The following MAP1A variants were observed in gnomAD, a reference collection of about 807,000 sequenced individuals.
MAP1A encodes the protein microtubule-associated protein 1A.
Under a neutral mutation model 185.9 loss-of-function variants are expected in MAP1A, and 42 were observed. The observed-to-expected ratio is 0.23, with a 90% CI of 0.18 to 0.29. MAP1A has a LOEUF of 0.29. MAP1A is among the 10% of genes least tolerant of loss of function. The pLI is 1.00. For missense variants in MAP1A, 2,995 were observed against 3,450.4 expected (o/e 0.87, Z 3.31); for synonymous variants, 1,229 against 1,335.9 (o/e 0.92, Z 1.74).
rs2079363103 is a variant in MAP1A at position 43,529,633 on chromosome 15, C to A, written c.8036-17C>A. 1 of 1,613,116 alleles carries A rather than the reference C, an allele frequency of 6.2e-7. No individual in the cohort carries two copies. Among genetic ancestry groups the A allele is most frequent in the African/African-American group, 1.3e-5 (1 of 74,920 alleles). On this transcript the variant is annotated splice_polypyrimidine_tract_variant and intron_variant, in intron 4 of 5. Transcript: ENST00000300231. The surrounding 1 kb of genome is among the most constrained non-coding windows in gnomAD (Gnocchi z 4.3). Reference sequence around the variant, plus strand: ...TTCTACTTTTCCTCTACAATGAATCCTGGCTTGTCTCTACAGTGGCCTTGA... The same window carrying A: ...TTCTACTTTTCCTCTACAATGAATCATGGCTTGTCTCTACAGTGGCCTTGA...
In MAP1A at chr15:43,523,515, A is replaced by C. The variant is rs370514208; in HGVS notation, c.2042A>C (p.Tyr681Ser). ...GACGCGACAAAAGCTGAGGGTTTTT[A>C]CCAAAAACATATGCAGGAACCCTTG... ...EEDATKAEGF[Y>S]QKHMQEPLKV... The change falls in exon 4 of 6, where the codon TAC becomes TCC. Residue 681 changes from tyrosine (Y) to serine (S), a missense_variant. Tyr to Ser is a moderately radical substitution (Grantham distance 144). Around this residue, in one of 3 missense-constraint regions of MAP1A, gnomAD observed 2,728 missense variants for 2,986.0 expected, o/e 0.91. Transcript: ENST00000300231. 1.2e-6 allele frequency: 2 copies of C among 1,614,098 alleles called. No homozygotes were observed. The highest frequency in any genetic ancestry group is 2.2e-5 in the South Asian group (2 of 91,064).
chr15:43,521,656 G>C lies in MAP1A; in HGVS notation c.183G>C (p.Leu61=), dbSNP rs1282825787. 9.3e-6 allele frequency: 15 copies of C among 1,614,126 alleles called. No homozygotes were observed. The highest frequency in any genetic ancestry group is 1.3e-5 in the Non-Finnish European group (15 of 1,180,042). Residue 61 remains leucine, a synonymous_variant, in exon 4 of 6, where the codon CTG becomes CTC. Transcript: ENST00000300231. The surrounding 1 kb of genome is among the most constrained non-coding windows in gnomAD (Gnocchi z 4.6). The part of the protein sequence containing the change: ...ALFAVNGFNI[L]VDGGSDRKSC... ...TTGCTGTCAATGGTTTCAACATCCT[G>C]GTGGATGGTGGCTCTGATCGCAAGT...
upstream of MAP1A, among the ~76,000 whole-genome samples, chr15:43,514,767 C>CA (rs1422127093): frequency 2.6e-5 from 4 of 152,150 alleles, no homozygotes; most frequent in Admixed American, 2.6e-4. Flanking sequence ...CTAACCCCTA[C>CA]AAAAAATCTG....
chr15:43,510,960 T>G, exon 1 of MAP1A: 1 of 1,473,850 alleles, frequency 6.8e-7, no homozygotes, highest in South Asian at 1.2e-5. Context: ...CAGCGGAAGC[T>G]GCCGGACTAA....
Position 43,525,191 on chromosome 15 carries a change from C to T in MAP1A, c.3718C>T (p.Leu1240=). ...LNLGKEEMGH[L]MQAEDTSHHT... is the part of the protein sequence containing the mutation. ...CCTTGGGAAGGAAGAAATGGGGCAT[C>T]TGATGCAGGCCGAGGATACCTCTCA... The change falls in exon 4 of 6, where the codon CTG becomes TTG. Residue 1240 remains leucine (L), a synonymous_variant. Transcript: ENST00000300231. 6.2e-7 allele frequency: 1 copy of T among 1,614,182 alleles called. No individual in the cohort carries two copies. Among genetic ancestry groups the T allele is most frequent in the South Asian group, 1.1e-5 (1 of 91,090 alleles).
In MAP1A at chr15:43,523,270, C is replaced by T. The variant is rs556143557; in HGVS notation, c.1797C>T (p.Val599=). The part of the protein sequence containing the change: ...VMKEKELVPE[V]PEEQGSKDRG... Reference sequence around the variant, plus strand: ...AGGAGAAAGAGCTTGTCCCAGAGGTCCCTGAGGAACAAGGCAGCAAGGACA... The same window carrying T: ...AGGAGAAAGAGCTTGTCCCAGAGGTTCCTGAGGAACAAGGCAGCAAGGACA... The change falls in exon 4 of 6, where the codon GTC becomes GTT. Residue 599 remains valine, a synonymous_variant. Coordinates refer to ENST00000300231, the MANE Select transcript of MAP1A (RefSeq NM_002373.6). The T allele has an allele frequency of 2.2e-5, 36 of 1,613,602 alleles. 1 individual carries two copies. In the South Asian group the frequency reaches 3.7e-4, roughly 17 times the overall value.
In MAP1A at chr15:43,523,415, G is replaced by A. The variant is rs772893896; in HGVS notation, c.1942G>A (p.Val648Ile). The change falls in exon 4 of 6, where the codon GTA (valine) becomes ATA (isoleucine). Residue 648 changes from valine (V) to isoleucine (I), a missense_variant. Physicochemically the swap from Val to Ile is conservative, Grantham distance 29. Around this residue, in one of 3 missense-constraint regions of MAP1A, gnomAD observed 2,728 missense variants for 2,986.0 expected, o/e 0.91. Transcript: ENST00000300231. ...TEAREESEPE[V>I]KEDVIEKAEL... ...AGCCAGAGAGGAAAGTGAACCTGAA[G>A]TAAAGGAGGATGTGATAGAAAAGGC... 1.6e-5 allele frequency: 26 copies of A among 1,613,094 alleles called. No individual in the cohort carries two copies. The highest frequency in any genetic ancestry group is 1.6e-4 in the Middle Eastern group (1 of 6,084).
At chr15:43,510,963 C>G in exon 1 of MAP1A, 6 of 1,477,108 alleles carry the variant, frequency 4.1e-6, no homozygotes, top group Non-Finnish European at 5.5e-6. Flanking sequence ...CGGAAGCTGC[C>G]GGACTAACAC....
At position 43,528,798 on chromosome 15, in the gene MAP1A, G is replaced by T. The variant is rs368781625; in HGVS notation, c.7325G>T (p.Arg2442Leu). The change falls in exon 4 of 6, where the codon CGG (arginine) becomes CTG (leucine). Residue 2442 changes from arginine (R) to leucine (L), a missense_variant. Physicochemically the swap from Arg to Leu is moderately radical, Grantham distance 102. Coordinates refer to ENST00000300231, the MANE Select transcript of MAP1A (RefSeq NM_002373.6). ...AGPQGCATEPRPHRGELSPSF... is the reference protein window; with the variant it reads ...AGPQGCATEPLPHRGELSPSF... ...CCCCAGGGATGTGCCACTGAGCCTC[G>T]GCCCCATCGTGGGGAGCTCTCCCCA... 6.2e-7 allele frequency: 1 copy of T among 1,613,338 alleles called. No homozygotes were observed. The highest frequency in any genetic ancestry group is 1.7e-5 in the Admixed American group (1 of 59,994).
intron 1 of MAP1A, among the ~76,000 whole-genome samples, chr15:43,519,619 G>A (rs1332512666): frequency 1.3e-5 from 2 of 152,240 alleles, no homozygotes; most frequent in African/African-American, 4.8e-5. Context: ...GGGGATGGCA[G>A]CATTCTTCTT....
Position 43,527,897 on chromosome 15 carries a change from A to T in MAP1A, c.6424A>T (p.Thr2142Ser). The T allele has an allele frequency of 6.2e-7, 1 of 1,613,968 alleles. No individual in the cohort carries two copies. Among genetic ancestry groups the T allele is most frequent in the Non-Finnish European group, 8.5e-7 (1 of 1,179,958 alleles). ...PMGSPTLWPE[T>S]EAHVSPPLDS... is the part of the protein sequence containing the mutation. ...GGGGTCCCCCACATTATGGCCAGAA[A>T]CTGAGGCACATGTTAGCCCTCCCTT... Residue 2142 changes from threonine (T) to serine (S), a missense_variant, in exon 4 of 6, where the codon ACT becomes TCT. By Grantham distance (58) the Thr-to-Ser change is moderately conservative. This residue lies in a region of MAP1A where 2,728 missense variants were observed against 2,986.0 expected (regional missense o/e 0.91). Transcript: ENST00000300231.
chr15:43,516,049 T>C (rs1220924610), upstream of MAP1A, among the ~76,000 whole-genome samples: 2 of 152,168 alleles, frequency 1.3e-5, no homozygotes, highest in Non-Finnish European at 2.9e-5. Context: ...TCTACTTAAG[T>C]TTCCCTCCTA....
At position 43,524,164 on chromosome 15, in the gene MAP1A, C is replaced by T. The variant is rs2079332217; in HGVS notation, c.2691C>T (p.Pro897=). The change falls in exon 4 of 6, where the codon CCC becomes CCT. Residue 897 remains proline (P), a synonymous_variant. Transcript: ENST00000300231. ...TGCCATCAGCTGGTACCATCTCACC[C>T]ACCTCCTCACTGGAAGAAGACAAGG... The part of the protein sequence containing the change: ...DYVPSAGTIS[P]TSSLEEDKGF... The T allele has an allele frequency of 1.1e-5, 18 of 1,614,052 alleles. No homozygotes were observed. The highest frequency in any genetic ancestry group is 1.7e-5 in the Admixed American group (1 of 59,998).
chr15:43,518,717 C>CG (rs1491516756), intron 1 of MAP1A, among the ~76,000 whole-genome samples: 1 of 140,928 alleles, frequency 7.1e-6, no homozygotes, highest in Non-Finnish European at 1.5e-5. Flanking sequence ...CACCCCCCCC[C>CG]GCAACTCCAG....
chr15:43,517,140 C>G (rs1031531220), upstream of MAP1A, among the ~76,000 whole-genome samples: 3 of 152,130 alleles, frequency 2.0e-5, no homozygotes, highest in Admixed American at 6.5e-5. Flanking sequence ...GCATCCCCAA[C>G]CTTTGTCTTA....
Position 43,524,169 on chromosome 15 carries a change from C to A in MAP1A, c.2696C>A (p.Ser899Tyr). The A allele has an allele frequency of 6.2e-7, 1 of 1,614,188 alleles. No homozygotes were observed. Residue 899 changes from serine (S) to tyrosine (Y), a missense_variant, in exon 4 of 6, where the codon TCC (serine) becomes TAC (tyrosine). Ser to Tyr is a moderately radical substitution (Grantham distance 144). Coordinates refer to ENST00000300231, the MANE Select transcript of MAP1A (RefSeq NM_002373.6). ...TCAGCTGGTACCATCTCACCCACCT[C>A]CTCACTGGAAGAAGACAAGGGCTTC... ...VPSAGTISPT[S>Y]SLEEDKGFKS...
chr15:43,511,001 G>A, exon 1 of MAP1A: 3 of 1,544,634 alleles, frequency 1.9e-6, no homozygotes, highest in Non-Finnish European at 2.6e-6. Context: ...GGAGACCGAG[G>A]CCGAGCCTGC....
In MAP1A at chr15:43,528,646, G is replaced by A; in HGVS notation, c.7173G>A (p.Gly2391=). 2 of 1,613,396 alleles carry A rather than the reference G, an allele frequency of 1.2e-6. No individual in the cohort carries two copies. Among genetic ancestry groups the A allele is most frequent in the Non-Finnish European group, 1.7e-6 (2 of 1,179,864 alleles). ...CGGCTTGCCCTGCCTGGGAACGTGGGGCCTGGCCTGAAGGAGCTGAGAGGA... is the reference window on the plus strand; with the variant it reads ...CGGCTTGCCCTGCCTGGGAACGTGGAGCCTGGCCTGAAGGAGCTGAGAGGA... ...EAAACPAWER[G]AWPEGAERSS... is the part of the protein sequence containing the mutation. Residue 2391 remains glycine (G), a synonymous_variant, in exon 4 of 6, where the codon GGG becomes GGA. Coordinates refer to ENST00000300231, the MANE Select transcript of MAP1A (RefSeq NM_002373.6).
Position 43,521,428 on chromosome 15 carries a change from A to T in MAP1A, c.-46A>T. 1 of 1,614,124 alleles carries T rather than the reference A, an allele frequency of 6.2e-7. No individual in the cohort carries two copies. Among genetic ancestry groups the T allele is most frequent in the Non-Finnish European group, 8.5e-7 (1 of 1,180,002 alleles). ...GCCACCTGGGATTATCCAGTTCCCA[A>T]GAGACCCTGCACCTCCGGCTAAACC... On this transcript the variant is annotated 5_prime_UTR_variant, in exon 4 of 6. In the 5' UTR this introduces an upstream ATG that the reference lacks. Transcript: ENST00000300231. This position sits in a 1 kb window ranked among gnomAD's most constrained non-coding sequence, Gnocchi z 4.6.
Sources: gnomAD v4.1 joint callset for allele counts (sites outside exome capture counted in the v4.1 genomes callset) on GRCh38, gnomAD v4.1.1 for gene constraint, gnomAD v4.1.1 regional missense constraint, Gnocchi (gnomAD v3.1) non-coding constraint, MANE v1.5 for transcripts, NCBI Gene and HGNC (gene_info 2026-07-23, HGNC 2026-07-21) for gene names.